TTC39B: variants seen among roughly 807,000 people sequenced by gnomAD.
TTC39B encodes tetratricopeptide repeat protein 39B.
TTC39B carries 92 observed loss-of-function variants against 96.6 expected under a neutral mutation model. That is an observed-to-expected ratio of 0.95 (90% CI 0.80 to 1.13). The LOEUF is 1.13. Among genes scored for constraint, TTC39B ranks in the 50% most tolerant of loss-of-function variants. The pLI, the probability that TTC39B is intolerant of heterozygous loss-of-function variation, is 0.00. For synonymous variants in TTC39B, 367 were observed against 299.4 expected (o/e 1.23, Z -2.33); for missense variants, 955 against 809.3 (o/e 1.18, Z -2.18).
chr9:15,287,076 G>A (rs904475074), intron 1 of TTC39B, among the ~76,000 whole-genome samples: 1 of 152,154 alleles, frequency 6.6e-6, no homozygotes, highest in African/African-American at 2.4e-5. Context: ...ATTCCAAAAT[G>A]GACTTTATTA....
chr9:15,267,866 A>G (rs368423525), intron 2 of TTC39B, 48 bp downstream of exon 2: 24 of 1,504,962 alleles, frequency 1.6e-5, no homozygotes, highest in Non-Finnish European at 1.9e-5. Flanking sequence ...ATGTAAGACA[A>G]CCATCAATTT....
intron 8 of TTC39B, among the ~76,000 whole-genome samples, chr9:15,197,525 T>C (rs1819241218): frequency 6.6e-6 from 1 of 152,138 alleles, no homozygotes; most frequent in Non-Finnish European, 1.5e-5. Context: ...AAGTAACTAT[T>C]ACAAATTGTG....
chr9:15,281,116 T>C (rs1415159074), intron 1 of TTC39B, among the ~76,000 whole-genome samples: 3 of 152,156 alleles, frequency 2.0e-5, no homozygotes, highest in Non-Finnish European at 4.4e-5. Flanking sequence ...AATAGTTATT[T>C]TAACAAACTT....
At chr9:15,277,586 G>A (rs112958570) in intron 1 of TTC39B, among the ~76,000 whole-genome samples, 8 of 152,212 alleles carry the variant, frequency 5.3e-5, no homozygotes, top group African/African-American at 1.9e-4. Context: ...GCCCAACACA[G>A]TGAGACATTG....
At position 15,175,053 on chromosome 9, in the gene TTC39B, T is replaced by G. The variant is rs1346398890; in HGVS notation, c.1924A>C (p.Ile642Leu). 5.6e-6 allele frequency: 9 copies of G among 1,613,702 alleles called. No homozygotes were observed. Among genetic ancestry groups the G allele is most frequent in the Non-Finnish European group, 7.6e-6 (9 of 1,179,738 alleles). Residue 642 changes from isoleucine to leucine, a missense_variant, in exon 19 of 20, where the codon ATT becomes CTT. Transcript: ENST00000512701. ...TCTAGGAACTTTATGGCCTTGTCAATTTCCCCCTGGCTTTTATACAAAGAT... is the reference window on the plus strand; with the variant it reads ...TCTAGGAACTTTATGGCCTTGTCAAGTTCCCCCTGGCTTTTATACAAAGAT...
rs764690070 is a variant in TTC39B at position 15,191,262 on chromosome 9, G to GA, written c.931-8dup. 6.6e-5 allele frequency: 105 copies of GA among 1,593,990 alleles called. No homozygotes were observed. The highest frequency in any genetic ancestry group is 8.7e-5 in the Non-Finnish European group (102 of 1,167,934). On this transcript the variant is annotated splice_region_variant and splice_polypyrimidine_tract_variant and intron_variant, in intron 9 of 19. Transcript: ENST00000512701. ...CTGGTAAAAGGGACAGCATCTGTAAGAAAAAAATATACAGTGTACTTATGT... is the reference window on the plus strand; with the variant it reads ...CTGGTAAAAGGGACAGCATCTGTAAGAAAAAAAATATACAGTGTACTTATGT...
At chr9:15,247,857 A>AC (rs915214196) in intron 2 of TTC39B, among the ~76,000 whole-genome samples, 5 of 152,044 alleles carry the variant, frequency 3.3e-5, no homozygotes, top group African/African-American at 1.2e-4. Flanking sequence ...AAAGGAAAAA[A>AC]AAAAAACGAG....
At chr9:15,189,771 G>C in exon 12 of TTC39B, 1 of 1,612,192 alleles carries the variant, frequency 6.2e-7, no homozygotes, top group African/African-American at 1.3e-5. Context: ...CTCTGCTTCC[G>C]CAACATTCAC....
chr9:15,184,101 T>C (rs80123240), intron 16 of TTC39B, among the ~76,000 whole-genome samples: 1,919 of 152,032 alleles, frequency 0.013, 44 homozygotes, highest in African/African-American at 0.044. Context: ...AACAACAATT[T>C]ACAAAAGAAA....
At chr9:15,295,659 T>C (rs2131610713) in intron 1 of TTC39B, among the ~76,000 whole-genome samples, 1 of 152,310 alleles carries the variant, frequency 6.6e-6, no homozygotes, top group African/African-American at 2.4e-5. Flanking sequence ...GAAAGTAAAT[T>C]TGCATTTTAG....
intron 4 of TTC39B, among the ~76,000 whole-genome samples, chr9:15,212,826 G>A (rs1212488475): frequency 6.6e-6 from 1 of 152,174 alleles, no homozygotes; most frequent in Non-Finnish European, 1.5e-5. Context: ...GGCAGAGAAA[G>A]ACTCGTTTGA....
At chr9:15,251,088 C>T (rs929177852) in intron 2 of TTC39B, among the ~76,000 whole-genome samples, 2 of 151,798 alleles carry the variant, frequency 1.3e-5, no homozygotes, top group South Asian at 2.1e-4. Context: ...CCCAGCTACT[C>T]GGGAGGCTGA....
chr9:15,227,760 C>A (rs1821204549), intron 2 of TTC39B, among the ~76,000 whole-genome samples: 1 of 152,172 alleles, frequency 6.6e-6, no homozygotes, highest in Non-Finnish European at 1.5e-5. Flanking sequence ...GGGCTAGAAA[C>A]ACACAGTCTC....
chr9:15,288,562 C>G (rs532750675), intron 1 of TTC39B, among the ~76,000 whole-genome samples: 1 of 152,292 alleles, frequency 6.6e-6, no homozygotes, highest in African/African-American at 2.4e-5. Context: ...CCCATTCATC[C>G]CACTGAGAGC....
At chr9:15,187,537 G>A (rs961271723) in intron 14 of TTC39B, among the ~76,000 whole-genome samples, 9 of 152,200 alleles carry the variant, frequency 5.9e-5, no homozygotes, top group African/African-American at 2.2e-4. Context: ...ATAGCTCACT[G>A]TAGCCTCGAA....
intron 2 of TTC39B, among the ~76,000 whole-genome samples, chr9:15,227,014 T>C (rs1821158710): frequency 6.6e-6 from 1 of 152,118 alleles, no homozygotes; most frequent in South Asian, 2.1e-4. Flanking sequence ...GTTTTTTAAT[T>C]CTAAGATGTA....
chr9:15,227,942 T>A (rs1484034999), intron 2 of TTC39B, among the ~76,000 whole-genome samples: 1 of 152,216 alleles, frequency 6.6e-6, no homozygotes, highest in African/African-American at 2.4e-5. Context: ...TATAACATAG[T>A]TTTACCTGTG....
intron 2 of TTC39B, among the ~76,000 whole-genome samples, chr9:15,237,579 C>A (rs1349389750): frequency 6.8e-6 from 1 of 146,106 alleles, no homozygotes; most frequent in Non-Finnish European, 1.5e-5. Context: ...AAGATTGAAA[C>A]AGAAAGAAAA....
chr9:15,175,359 G>T (rs1369256518), intron 18 of TTC39B, among the ~76,000 whole-genome samples: 4 of 151,990 alleles, frequency 2.6e-5, no homozygotes, highest in African/African-American at 9.7e-5. Context: ...AGCACTGATG[G>T]TTGATCGCTG....
Sources: gnomAD v4.1 joint callset for allele counts (sites outside exome capture counted in the v4.1 genomes callset) on GRCh38, gnomAD v4.1.1 for gene constraint, MANE v1.5 for transcripts, NCBI Gene and HGNC (gene_info 2026-07-23, HGNC 2026-07-21) for gene names.